The following TAF1B variants were observed in gnomAD, a reference collection of about 807,000 sequenced individuals.
TAF1B encodes TATA box-binding protein-associated factor RNA polymerase I subunit B.
A neutral mutation model predicts 83.9 loss-of-function variants in TAF1B; 61 were observed. That is an observed-to-expected ratio of 0.73 (90% CI 0.59 to 0.90). The LOEUF (loss-of-function observed/expected upper bound fraction) is 0.90. Among genes scored for constraint, TAF1B ranks in the 40% least tolerant of loss-of-function variants. TAF1B has a pLI of 0.00. For missense variants in TAF1B, 625 were observed against 677.0 expected (o/e 0.92, Z 0.85); for synonymous variants, 221 against 224.6 (o/e 0.98, Z 0.14).
chr2:9,848,384 GGGCT>G (rs1432830844), intron 2 of TAF1B, among the ~76,000 whole-genome samples: 2 of 152,096 alleles, frequency 1.3e-5, no homozygotes, highest in African/African-American at 4.8e-5. Context: ...TCAATAATGG[GGGCT>G]GGGCACGGTG....
At chr2:9,882,187 G>A (rs777981965) in intron 7 of TAF1B, among the ~76,000 whole-genome samples, 1 of 151,484 alleles carries the variant, frequency 6.6e-6, no homozygotes. Flanking sequence ...TGCAACCTCC[G>A]CCTCCCAGGT....
At chr2:9,879,333 G>A (rs1352799799) in intron 7 of TAF1B, among the ~76,000 whole-genome samples, 1 of 152,148 alleles carries the variant, frequency 6.6e-6, no homozygotes, top group African/African-American at 2.4e-5. Flanking sequence ...CTGAGAATGA[G>A]CCAATGAACT....
At chr2:9,866,754 C>T (rs1007180420) in intron 5 of TAF1B, among the ~76,000 whole-genome samples, 10 of 152,100 alleles carry the variant, frequency 6.6e-5, no homozygotes, top group South Asian at 2.1e-4. Flanking sequence ...TACTATGCAG[C>T]CATAAAAAAT....
At chr2:9,932,244 A>G (rs1044185050) in intron 14 of TAF1B, among the ~76,000 whole-genome samples, 1 of 152,194 alleles carries the variant, frequency 6.6e-6, no homozygotes, top group Non-Finnish European at 1.5e-5. Context: ...GAGGAGAAGA[A>G]GTGCTCCAGT....
Position 9,904,908 on chromosome 2 carries a change from C to G in TAF1B, c.857C>G (p.Thr286Arg). The G allele has an allele frequency of 6.2e-7, 1 of 1,610,836 alleles. No individual in the cohort carries two copies. The highest frequency in any genetic ancestry group is 8.5e-7 in the Non-Finnish European group (1 of 1,177,090). ...DIYKKTVEVG[T>R]FLDLPRFPDI... ...TACAAAAAAACAGTAGAAGTTGGAACATTTTTAGATTTGCCTCGTTTTCCA... is the reference window on the plus strand; with the variant it reads ...TACAAAAAAACAGTAGAAGTTGGAAGATTTTTAGATTTGCCTCGTTTTCCA... The change falls in exon 9 of 15, where the codon ACA becomes AGA. Residue 286 changes from threonine to arginine, a missense_variant. Transcript: ENST00000263663.
At chr2:9,921,225 G>A (rs1487651240) in intron 14 of TAF1B, among the ~76,000 whole-genome samples, 2 of 152,034 alleles carry the variant, frequency 1.3e-5, no homozygotes, top group African/African-American at 2.4e-5. Context: ...CCAAGTAGCT[G>A]GAACTACACG....
In TAF1B at chr2:9,934,255, G is replaced by A. The variant is rs1062160; in HGVS notation, c.*271G>A. ...TTGTATCCAGAAATGTATACTCATC[G>A]TATTTTAAAGCTAAATTTATTTTTT... On this transcript the variant is annotated 3_prime_UTR_variant, in exon 15 of 15. Coordinates refer to ENST00000263663, the MANE Select transcript of TAF1B (RefSeq NM_005680.3). The A allele has an allele frequency of 0.2, 50,175 of 253,080 alleles. 5,885 individuals are homozygous for A. The highest frequency in any genetic ancestry group is 0.33 in the East Asian group (4,189 of 12,684). The allele number at this position is 253,080 out of a possible 1,614,324, so 15.7% of individuals were successfully genotyped here. A position where few individuals can be genotyped will look rare whatever the true frequency, so the allele number is the denominator to read the frequency against.
chr2:9,912,663 A>G (rs986958520), intron 11 of TAF1B, among the ~76,000 whole-genome samples: 1 of 152,202 alleles, frequency 6.6e-6, no homozygotes. Context: ...GGCAAAGATC[A>G]CTGTCATTTC....
chr2:9,846,023 AATT>A (rs1334233268), intron 2 of TAF1B: 4 of 467,974 alleles, frequency 8.5e-6, no homozygotes, highest in African/African-American at 8.0e-5. Context: ...GGAATATTGG[AATT>A]ATTCTTCGTT....
At chr2:9,932,183 C>A (rs932673410) in intron 14 of TAF1B, among the ~76,000 whole-genome samples, 4 of 152,226 alleles carry the variant, frequency 2.6e-5, no homozygotes, top group Non-Finnish European at 5.9e-5. Context: ...TCGTCAAAGT[C>A]ATTCTCCATC....
chr2:9,846,143 G>GTA lies in TAF1B; in HGVS notation c.117+826_117+827insAT, dbSNP rs1199854116. On this transcript the variant is annotated intron_variant, in intron 2 of 14. Coordinates refer to ENST00000263663, the MANE Select transcript of TAF1B (RefSeq NM_005680.3). ...GAGAGCCTATTGATAGGGCTCAGAA[G>GTA]TTGAGTGAGTTTGCCAAAGTTACCC... 11 of 466,586 alleles carry GTA rather than the reference G, an allele frequency of 2.4e-5. No homozygotes were observed. In the Admixed American group the frequency reaches 2.4e-4, roughly 10 times the overall value. 28.9% of individuals were successfully genotyped at this position (466,586 alleles called of 1,614,324 possible).
intron 14 of TAF1B, among the ~76,000 whole-genome samples, chr2:9,926,184 C>G (rs969001462): frequency 6.6e-6 from 1 of 152,042 alleles, no homozygotes; most frequent in Non-Finnish European, 1.5e-5. Flanking sequence ...TAAAGTAAAA[C>G]CATAATACCA....
In TAF1B at chr2:9,919,661, A is replaced by G; in HGVS notation, c.1406A>G (p.Lys469Arg). 2 of 1,614,240 alleles carry G rather than the reference A, an allele frequency of 1.2e-6. No individual in the cohort carries two copies. The highest frequency in any genetic ancestry group is 2.2e-5 in the South Asian group (2 of 91,088). ...GTCGAGTCAACAGCAACTGCTGGAA[A>G]AAAAAGCCCTTCAAGTTTTCAGTTC... ...TLVESTATAG[K>R]KSPSSFQFNW... is the part of the protein sequence containing the mutation. Residue 469 changes from lysine to arginine, a missense_variant, in exon 14 of 15, where the codon AAA becomes AGA. Coordinates refer to ENST00000263663, the MANE Select transcript of TAF1B (RefSeq NM_005680.3).
chr2:9,920,586 C>CGGGG lies in TAF1B; in HGVS notation c.1565+769_1565+772dup, dbSNP rs139852104. On this transcript the variant is annotated intron_variant, in intron 14 of 14. Coordinates refer to ENST00000263663, the MANE Select transcript of TAF1B (RefSeq NM_005680.3). ...GGCGTCTGTAGACTGGGGCGGGGGGCGGGGGGTCCATTTGCCCCTCAGGTG... is the reference window on the plus strand; with the variant it reads ...GGCGTCTGTAGACTGGGGCGGGGGGCGGGGGGGGGGTCCATTTGCCCCTCAGGTG... 2.6e-4 allele frequency among the ~76,000 whole-genome samples: 29 copies of CGGGG among 113,292 alleles called. 1 individual carries two copies. Among genetic ancestry groups the CGGGG allele is most frequent in the African/African-American group, 9.5e-4 (27 of 28,506 alleles). The allele number at this position is 113,292 out of a possible 152,430, so 74.3% of individuals were successfully genotyped here.
chr2:9,883,796 A>T (rs1183584918), intron 8 of TAF1B, among the ~76,000 whole-genome samples: 1 of 152,262 alleles, frequency 6.6e-6, no homozygotes. Flanking sequence ...TCCCTGGCAA[A>T]GCTGATAGAG....
At chr2:9,866,924 C>G (rs1057357660) in intron 5 of TAF1B, among the ~76,000 whole-genome samples, 6 of 147,578 alleles carry the variant, frequency 4.1e-5, no homozygotes, top group African/African-American at 1.5e-4. Flanking sequence ...CATCCCATAC[C>G]GGGGACTGTT....
At chr2:9,926,332 G>A (rs949280395) in intron 14 of TAF1B, among the ~76,000 whole-genome samples, 1 of 152,242 alleles carries the variant, frequency 6.6e-6, no homozygotes, top group Admixed American at 6.5e-5. Context: ...ATTGCAAGTG[G>A]TTGACATGGC....
chr2:9,919,949 C>G, intron 14 of TAF1B, 129 bp downstream of exon 14: 1 of 838,136 alleles, frequency 1.2e-6, no homozygotes, highest in African/African-American at 1.7e-5. Context: ...TACATTGAGT[C>G]TTGTGTAGGA....
At chr2:9,854,446 G>T in intron 5 of TAF1B, 25 bp downstream of exon 5, 1 of 1,568,970 alleles carries the variant, frequency 6.4e-7, no homozygotes, top group East Asian at 2.2e-5. Context: ...TGAAAAGTTG[G>T]ATTAAAAAAC....
Sources: allele counts gnomAD v4.1 joint callset (sites outside exome capture counted in the v4.1 genomes callset), GRCh38; gene constraint gnomAD v4.1.1; transcripts MANE v1.5; gene names NCBI Gene and HGNC (gene_info 2026-07-23, HGNC 2026-07-21).